The following CHST15 variants were observed in gnomAD, a reference collection of about 807,000 sequenced individuals.
CHST15 encodes the protein carbohydrate sulfotransferase 15.
In CHST15, 30 loss-of-function variants were observed where a neutral mutation model predicts 53.6. The ratio of observed to expected loss-of-function variants is 0.56; its 90% CI spans 0.42 to 0.76. CHST15 has a LOEUF of 0.76. Ranked by LOEUF, CHST15 falls within the 30% of genes least tolerant of loss-of-function variation. The pLI, the probability that CHST15 is intolerant of heterozygous loss-of-function variation, is 0.00. For missense variants in CHST15, 627 were observed against 740.5 expected (o/e 0.85, Z 1.78); for synonymous variants, 296 against 289.8 (o/e 1.02, Z -0.22).
At chr10:124,053,360 A>G (rs969047794) in intron 1 of CHST15, among the ~76,000 whole-genome samples, 1 of 152,118 alleles carries the variant, frequency 6.6e-6, no homozygotes, top group African/African-American at 2.4e-5. Flanking sequence ...CCTCTTGCAC[A>G]CTTGCTTGGC....
chr10:124,020,898 C>T (rs545384063), intron 6 of CHST15: 3 of 1,294,512 alleles, frequency 2.3e-6, no homozygotes, highest in South Asian at 5.6e-5. Flanking sequence ...AACAATCCAC[C>T]GCTCAAGAGA....
intron 1 of CHST15, among the ~76,000 whole-genome samples, chr10:124,053,052 C>T (rs1948256196): frequency 6.6e-6 from 1 of 152,174 alleles, no homozygotes; most frequent in Non-Finnish European, 1.5e-5. Context: ...GTCTCTGGCC[C>T]ATAGTCAGTG....
chr10:124,055,200 C>T (rs1008442127), intron 1 of CHST15, among the ~76,000 whole-genome samples: 1 of 152,240 alleles, frequency 6.6e-6, no homozygotes, highest in African/African-American at 2.4e-5. Context: ...GGTCTAAAAA[C>T]ATCTTGCTTT....
chr10:124,042,256 C>G, intron 4 of CHST15, 45 bp downstream of exon 4: 1 of 1,574,866 alleles, frequency 6.3e-7, no homozygotes, highest in Non-Finnish European at 8.7e-7. Context: ...GAGCCAGGAC[C>G]CCAGGGAGGG....
intron 1 of CHST15, among the ~76,000 whole-genome samples, chr10:124,078,660 G>C (rs1429819618): frequency 6.6e-6 from 1 of 152,182 alleles, no homozygotes; most frequent in African/African-American, 2.4e-5. Flanking sequence ...TTACGGAAAC[G>C]AATTTTAACT....
chr10:124,059,085 C>T (rs760938356), intron 1 of CHST15, among the ~76,000 whole-genome samples: 23 of 152,188 alleles, frequency 1.5e-4, no homozygotes, highest in Non-Finnish European at 3.1e-4. Context: ...CTAGGCTGAA[C>T]ACCGGCCACA....
At chr10:124,047,712 G>T (rs901437305) in intron 1 of CHST15, among the ~76,000 whole-genome samples, 1 of 152,214 alleles carries the variant, frequency 6.6e-6, no homozygotes, top group African/African-American at 2.4e-5. Flanking sequence ...GCTACTACAT[G>T]TAAACAGTTT....
intron 1 of CHST15, among the ~76,000 whole-genome samples, chr10:124,059,049 C>T (rs1948474712): frequency 6.6e-6 from 1 of 152,156 alleles, no homozygotes; most frequent in Admixed American, 6.5e-5. Flanking sequence ...GCGAGCTGGC[C>T]TAGGGATGAA....
Position 124,019,761 on chromosome 10 carries a change from T to C in CHST15, c.1347+1495A>G. 2.0e-6 allele frequency: 2 copies of C among 984,054 alleles called. No homozygotes were observed. Among genetic ancestry groups the C allele is most frequent in the Non-Finnish European group, 2.4e-6 (2 of 828,694 alleles). The allele number at this position is 984,054 out of a possible 1,614,324, so 61.0% of individuals were successfully genotyped here. A position where few individuals can be genotyped will look rare whatever the true frequency, so the allele number is the denominator to read the frequency against. ...CTTCTGCTTAAAACCCTCTGAGGGGTCCCATCTCTCTCAGGGTGATGTCTA... is the reference window on the plus strand; with the variant it reads ...CTTCTGCTTAAAACCCTCTGAGGGGCCCCATCTCTCTCAGGGTGATGTCTA... On this transcript the variant is annotated intron_variant, in intron 6 of 7. Coordinates refer to ENST00000435907, the MANE Select transcript of CHST15 (RefSeq NM_001270764.2). This position sits in a 1 kb window ranked among gnomAD's most constrained non-coding sequence, Gnocchi z 4.6.
chr10:124,072,396 C>T (rs1177335942), intron 1 of CHST15, among the ~76,000 whole-genome samples: 2 of 152,176 alleles, frequency 1.3e-5, no homozygotes, highest in Non-Finnish European at 1.5e-5. Flanking sequence ...ATGTCAGCTG[C>T]CTCTTCCCAC....
At chr10:124,056,678 GCCCCGGTGCGCAGC>G (rs1948392197) in intron 1 of CHST15, among the ~76,000 whole-genome samples, 1 of 152,244 alleles carries the variant, frequency 6.6e-6, no homozygotes, top group South Asian at 2.1e-4. Context: ...CAGGAGGCAG[GCCCCGGTGCGCAGC>G]CCCCAACTCC....
At chr10:124,059,046 G>A (rs1260340240) in intron 1 of CHST15, among the ~76,000 whole-genome samples, 3 of 152,134 alleles carry the variant, frequency 2.0e-5, no homozygotes, top group African/African-American at 7.2e-5. Context: ...ACAGCGAGCT[G>A]GCCTAGGGAT....
chr10:124,088,869 AC>A lies in CHST15; in HGVS notation c.-513+4599del, dbSNP rs558838079. Among the ~76,000 whole-genome samples, 761 of 152,342 alleles carry A rather than the reference AC, an allele frequency of 5.0e-3. 3 individuals carry two copies. Among genetic ancestry groups the A allele is most frequent in the Middle Eastern group, 0.02 (6 of 294 alleles). ...TCTTCCTGGACACTCCTAACTAGACACCTAGACTGGACACACTAATTAGATA... is the reference window on the plus strand; with the variant it reads ...TCTTCCTGGACACTCCTAACTAGACACTAGACTGGACACACTAATTAGATA... On this transcript the variant is annotated intron_variant, in intron 1 of 7. Coordinates refer to ENST00000435907, the MANE Select transcript of CHST15 (RefSeq NM_001270764.2).
rs527734845 is a variant in CHST15 at position 124,021,145 on chromosome 10, C to T, written c.1347+111G>A. Reference sequence around the variant, plus strand: ...AGCATTTGCACATTAAAACGCTTCTCTCTGTTCCTATGCTGAAACGCAAAC... The same window carrying T: ...AGCATTTGCACATTAAAACGCTTCTTTCTGTTCCTATGCTGAAACGCAAAC... On this transcript the variant is annotated intron_variant, in intron 6 of 7. Coordinates refer to ENST00000435907, the MANE Select transcript of CHST15 (RefSeq NM_001270764.2). 5.9e-6 allele frequency: 9 copies of T among 1,535,080 alleles called. No individual in the cohort carries two copies. In the Admixed American group the frequency reaches 6.0e-5, roughly 10 times the overall value.
At position 124,021,951 on chromosome 10, in the gene CHST15, T is replaced by C. The variant is rs1946804822; in HGVS notation, c.1191-539A>G. ...TCTAGGTTGGTAGGGACCTTGTTTT[T>C]AACACGATGTAAAAGCACCCCCACA... is the stretch of plus-strand genomic sequence containing the variant. On this transcript the variant is annotated intron_variant, in intron 5 of 7. Coordinates refer to ENST00000435907, the MANE Select transcript of CHST15 (RefSeq NM_001270764.2). Among the ~76,000 whole-genome samples, 3 of 152,178 alleles carry C rather than the reference T, an allele frequency of 2.0e-5. No homozygotes were observed. In the South Asian group the frequency reaches 6.2e-4, roughly 32 times the overall value.
In CHST15 at chr10:124,019,951, C is replaced by T. The variant is rs972336748; in HGVS notation, c.1347+1305G>A. 2.0e-6 allele frequency: 2 copies of T among 985,736 alleles called. No individual in the cohort carries two copies. The highest frequency in any genetic ancestry group is 3.5e-5 in the African/African-American group (2 of 57,256). 61.1% of individuals were successfully genotyped at this position (985,736 alleles called of 1,614,324 possible). A position where few individuals can be genotyped will look rare whatever the true frequency, so the allele number is the denominator to read the frequency against. On this transcript the variant is annotated intron_variant, in intron 6 of 7. Coordinates refer to ENST00000435907, the MANE Select transcript of CHST15 (RefSeq NM_001270764.2). The surrounding 1 kb of genome is among the most constrained non-coding windows in gnomAD (Gnocchi z 4.6). Reference sequence around the variant, plus strand: ...CACACGCTGCTCTCAGTTCCCTGGCCAACTCTCCTTCAGGCCTCAGCACAG... The same window carrying T: ...CACACGCTGCTCTCAGTTCCCTGGCTAACTCTCCTTCAGGCCTCAGCACAG...
Position 124,007,956 on chromosome 10 carries a change from G to A in CHST15, c.*2193C>T, listed in dbSNP as rs1413076339. The A allele has an allele frequency of 1.6e-6, 2 of 1,224,348 alleles. No homozygotes were observed. The highest frequency in any genetic ancestry group is 2.0e-6 in the Non-Finnish European group (2 of 986,762). 75.8% of individuals were successfully genotyped at this position (1,224,348 alleles called of 1,614,324 possible). The stretch of plus-strand genomic sequence containing the variant: ...GCAAGAGCCGGGCCTCGAATGAGAG[G>A]AAGCAGAGGCAGCCGAAGTGCCCTC... On this transcript the variant is annotated 3_prime_UTR_variant, in exon 8 of 8. Transcript: ENST00000435907.
intron 1 of CHST15, among the ~76,000 whole-genome samples, chr10:124,093,140 C>A (rs1345607619): frequency 1.3e-5 from 2 of 152,210 alleles, no homozygotes; most frequent in Non-Finnish European, 2.9e-5. Context: ...GGCGAAGGGA[C>A]TCCTCCCGCT....
chr10:124,069,984 G>A (rs914592232), intron 1 of CHST15, among the ~76,000 whole-genome samples: 4 of 152,106 alleles, frequency 2.6e-5, no homozygotes, highest in African/African-American at 2.4e-5. Context: ...AAGTGGTCCC[G>A]CCCATTTCCT....
Sources: gnomAD v4.1 joint callset for allele counts (sites outside exome capture counted in the v4.1 genomes callset) on GRCh38, gnomAD v4.1.1 for gene constraint, Gnocchi (gnomAD v3.1) non-coding constraint, MANE v1.5 for transcripts, NCBI Gene and HGNC (gene_info 2026-07-23, HGNC 2026-07-21) for gene names.